Variants in CNPY3 observed in about 807,000 individuals in gnomAD.
CNPY3 encodes protein canopy homolog 3.
CNPY3 carries 20 observed loss-of-function variants against 32.0 expected under a neutral mutation model. The ratio of observed to expected loss-of-function variants is 0.63; its 90% CI spans 0.44 to 0.91. The LOEUF (loss-of-function observed/expected upper bound fraction) is 0.91, where lower values mean the gene tolerates loss of function less well. Among genes scored for constraint, CNPY3 ranks in the 40% least tolerant of loss-of-function variants. The probability of loss-of-function intolerance (pLI) is 0.00; values close to 1 mark genes in which losing one functional copy is unlikely to be tolerated. For missense variants in CNPY3, 299 were observed against 340.8 expected, an observed-to-expected ratio of 0.88 and a Z score of 0.97; for synonymous variants, 138 against 142.9, an observed-to-expected ratio of 0.97 and a Z score of 0.24.
chr6:42,930,798 T>C (rs1767737833), intron 1 of CNPY3, among the ~76,000 whole-genome samples: 1 of 152,270 alleles, frequency 6.6e-6, no homozygotes, highest in African/African-American at 2.4e-5. Flanking sequence ...ATTAGAGAGA[T>C]TAAAAGGATG....
intron 2 of CNPY3, 53 bp downstream of exon 2, chr6:42,934,651 G>A: frequency 1.2e-6 from 2 of 1,606,268 alleles, no homozygotes; most frequent in Non-Finnish European, 1.7e-6. Flanking sequence ...GGAGGCTTCA[G>A]GGGTTTGGAG....
chr6:42,935,172 T>C (rs1768128778), intron 2 of CNPY3, among the ~76,000 whole-genome samples: 1 of 152,152 alleles, frequency 6.6e-6, no homozygotes. Flanking sequence ...CCGGCCACAG[T>C]GCAATTTTTT....
chr6:42,929,526 G>C lies in CNPY3; in HGVS notation c.-45G>C, dbSNP rs776701447. The C allele has an allele frequency of 4.6e-6, 7 of 1,513,354 alleles. No individual in the cohort carries two copies. The South Asian group carries it at 7.3e-5, about 16-fold the overall frequency. The allele number at this position is 1,513,354 out of a possible 1,614,324, so 93.7% of individuals were successfully genotyped here. Reference sequence around the variant, plus strand: ...GGAAACTGCTCCGCGCGCGCCGCGGGAGGAGGAACCGCCCGGTCCTTTAGG... The same window carrying C: ...GGAAACTGCTCCGCGCGCGCCGCGGCAGGAGGAACCGCCCGGTCCTTTAGG... On this transcript the variant is annotated 5_prime_UTR_variant, in exon 1 of 6. Transcript: ENST00000372836.
chr6:42,938,806 C>T lies in CNPY3; in HGVS notation c.*15C>T. The T allele has an allele frequency of 7.2e-7, 1 of 1,389,852 alleles. No homozygotes were observed. 86.1% of individuals were successfully genotyped at this position (1,389,852 alleles called of 1,614,324 possible). On this transcript the variant is annotated 3_prime_UTR_variant, in exon 6 of 6. Coordinates refer to ENST00000372836, the MANE Select transcript of CNPY3 (RefSeq NM_006586.5). ...ATGAGCTCTGAGCCCACCCAGCATC[C>T]TCTGTCCTGAGACCCCTGATTTTGA...
Position 42,929,503 on chromosome 6 carries a change from A to C in CNPY3, c.-68A>C. On this transcript the variant is annotated 5_prime_UTR_variant, in exon 1 of 6. Coordinates refer to ENST00000372836, the MANE Select transcript of CNPY3 (RefSeq NM_006586.5). Reference sequence around the variant, plus strand: ...GTGCAGTCCCGGAAGCGGCGAGGGGAAACTGCTCCGCGCGCGCCGCGGGAG... The same window carrying C: ...GTGCAGTCCCGGAAGCGGCGAGGGGCAACTGCTCCGCGCGCGCCGCGGGAG... 6.8e-7 allele frequency: 1 copy of C among 1,471,592 alleles called. No individual in the cohort carries two copies. The highest frequency in any genetic ancestry group is 9.1e-7 in the Non-Finnish European group (1 of 1,103,192). The allele number at this position is 1,471,592 out of a possible 1,614,324, so 91.2% of individuals were successfully genotyped here. A position where few individuals can be genotyped will look rare whatever the true frequency, so the allele number is the denominator to read the frequency against.
Position 42,930,869 on chromosome 6 carries a change from C to T in CNPY3, c.151+1148C>T, listed in dbSNP as rs183853205. On this transcript the variant is annotated intron_variant, in intron 1 of 5. Coordinates refer to ENST00000372836, the MANE Select transcript of CNPY3 (RefSeq NM_006586.5). Reference sequence around the variant, plus strand: ...CAGTATGAGTTCAAGCCTGTGCCTTCCCCCGTACATTCTTTTCTTTTTTTC... The same window carrying T: ...CAGTATGAGTTCAAGCCTGTGCCTTTCCCCGTACATTCTTTTCTTTTTTTC... 1.4e-3 allele frequency among the ~76,000 whole-genome samples: 214 copies of T among 152,122 alleles called. 1 individual carries two copies. Among genetic ancestry groups the T allele is most frequent in the African/African-American group, 4.9e-3 (204 of 41,486 alleles).
At position 42,937,613 on chromosome 6, in the gene CNPY3, C is replaced by T. The variant is rs1158485333; in HGVS notation, c.373-104C>T. On this transcript the variant is annotated intron_variant, in intron 3 of 5. Transcript: ENST00000372836. ...AAAAAGGATGAGGATCCTTAGAGGG[C>T]GTTGAGCATTGGTCTTATAGCTGGG... The T allele has an allele frequency of 1.2e-5, 14 of 1,187,174 alleles. 1 individual carries two copies. Among genetic ancestry groups the T allele is most frequent in the East Asian group, 4.7e-5 (2 of 42,126 alleles). 73.5% of individuals were successfully genotyped at this position (1,187,174 alleles called of 1,614,324 possible). A position where few individuals can be genotyped will look rare whatever the true frequency, so the allele number is the denominator to read the frequency against.
In CNPY3 at chr6:42,939,232, G is replaced by T; in HGVS notation, c.*441G>T. On this transcript the variant is annotated 3_prime_UTR_variant, in exon 6 of 6. Transcript: ENST00000372836. The stretch of plus-strand genomic sequence containing the variant: ...CTTGCACTCTGCCTGGCCCTTCCCA[G>T]AGCCCAAAGAGTAAAAATGTTCTGG... 1 of 992,266 alleles carries T rather than the reference G, an allele frequency of 1.0e-6. No individual in the cohort carries two copies. Among genetic ancestry groups the T allele is most frequent in the Non-Finnish European group, 1.2e-6 (1 of 834,950 alleles). The allele number at this position is 992,266 out of a possible 1,614,324, so 61.5% of individuals were successfully genotyped here. A position where few individuals can be genotyped will look rare whatever the true frequency, so the allele number is the denominator to read the frequency against.
chr6:42,937,663 G>C (rs1768327741), intron 3 of CNPY3, 54 bp from the exon 4 acceptor site: 1 of 1,604,496 alleles, frequency 6.2e-7, no homozygotes, highest in East Asian at 2.2e-5. Flanking sequence ...TGGGAGACGA[G>C]GGTGGGAGGG....
intron 1 of CNPY3, 134 bp downstream of exon 1, chr6:42,929,855 C>T (rs1767659257): frequency 9.6e-7 from 1 of 1,038,966 alleles, no homozygotes; most frequent in Admixed American, 2.9e-5. Flanking sequence ...AGGCTTGCGC[C>T]GGGACGCTGC....
At chr6:42,933,918 C>G (rs1019056287) in intron 1 of CNPY3, among the ~76,000 whole-genome samples, 3 of 152,120 alleles carry the variant, frequency 2.0e-5, no homozygotes, top group African/African-American at 7.2e-5. Flanking sequence ...CGCCTGTAAT[C>G]CCAGCACTTT....
chr6:42,930,218 T>G (rs12529169), intron 1 of CNPY3, among the ~76,000 whole-genome samples: 12,009 of 152,206 alleles, frequency 0.079, 722 homozygotes, highest in Admixed American at 0.17. Context: ...ATGACTCATC[T>G]TGGGGGAAAA....
rs1768359970 is a variant in CNPY3 at position 42,938,073 on chromosome 6, G to A, written c.496-17G>A. The A allele has an allele frequency of 6.2e-7, 1 of 1,602,006 alleles. No homozygotes were observed. Among genetic ancestry groups the A allele is most frequent in the Non-Finnish European group, 8.6e-7 (1 of 1,169,100 alleles). On this transcript the variant is annotated splice_polypyrimidine_tract_variant and intron_variant, in intron 4 of 5. Coordinates refer to ENST00000372836, the MANE Select transcript of CNPY3 (RefSeq NM_006586.5). ...AGGTGCTGGGGCTTTGCCAATATGA[G>A]GTATTATGATTAACAGTGTGATGTG...
chr6:42,935,124 T>C (rs1306252306), intron 2 of CNPY3, among the ~76,000 whole-genome samples: 2 of 152,168 alleles, frequency 1.3e-5, no homozygotes, highest in Non-Finnish European at 2.9e-5. Flanking sequence ...TGCCTCGGCC[T>C]CCCAAAGTGC....
upstream of CNPY3, among the ~76,000 whole-genome samples, chr6:42,928,879 TCATA>T (rs1384590784): frequency 1.3e-5 from 2 of 152,102 alleles, no homozygotes; most frequent in Non-Finnish European, 2.9e-5. Context: ...CACTTTGTCG[TCATA>T]CAAATAGAAA....
Position 42,939,226 on chromosome 6 carries a change from T to G in CNPY3, c.*435T>G. The G allele has an allele frequency of 1.0e-6, 1 of 993,698 alleles. No homozygotes were observed. The highest frequency in any genetic ancestry group is 1.2e-6 in the Non-Finnish European group (1 of 835,874). 61.6% of individuals were successfully genotyped at this position (993,698 alleles called of 1,614,324 possible). A position where few individuals can be genotyped will look rare whatever the true frequency, so the allele number is the denominator to read the frequency against. On this transcript the variant is annotated 3_prime_UTR_variant, in exon 6 of 6. Transcript: ENST00000372836. ...GGACACCTTGCACTCTGCCTGGCCC[T>G]TCCCAGAGCCCAAAGAGTAAAAATG...
chr6:42,937,702 G>T lies in CNPY3; in HGVS notation c.373-15G>T. The T allele has an allele frequency of 6.2e-7, 1 of 1,613,720 alleles. No individual in the cohort carries two copies. Among genetic ancestry groups the T allele is most frequent in the Non-Finnish European group, 8.5e-7 (1 of 1,179,838 alleles). ...GAAGGGAGCTCCGCCTGCCATATCT[G>T]GTCGCTTCTTCCAGGGCATGTCAGA... On this transcript the variant is annotated splice_polypyrimidine_tract_variant and intron_variant, in intron 3 of 5. Transcript: ENST00000372836.
chr6:42,930,946 G>A (rs1767753734), intron 1 of CNPY3, among the ~76,000 whole-genome samples: 2 of 151,680 alleles, frequency 1.3e-5, no homozygotes, highest in African/African-American at 4.9e-5. Context: ...CTGGAGTGCA[G>A]TGGCGAGATC....
rs781518711 is a variant in CNPY3, at chr6:42,938,560, C to T, written c.614-8C>T. On this transcript the variant is annotated splice_polypyrimidine_tract_variant and splice_region_variant and intron_variant, in intron 5 of 5. Coordinates refer to ENST00000372836, the MANE Select transcript of CNPY3 (RefSeq NM_006586.5). ...TTCTGTTGAGGGTCTCTCTCCTCCA[C>T]ACCCTAGGTTGCCTGGCAGAGCAGT... 108 of 1,570,846 alleles carry T rather than the reference C, an allele frequency of 6.9e-5. No individual in the cohort carries two copies. The highest frequency in any genetic ancestry group is 5.0e-4 in the Middle Eastern group (3 of 6,018).
Sources: gnomAD v4.1 joint callset for allele counts (sites outside exome capture counted in the v4.1 genomes callset) on GRCh38, gnomAD v4.1.1 for gene constraint, MANE v1.5 for transcripts, NCBI Gene and HGNC (gene_info 2026-07-23, HGNC 2026-07-21) for gene names.